The following SWT1 variants were observed in gnomAD, a reference collection of about 807,000 sequenced individuals.
The protein encoded by SWT1 is SWT1 RNA endoribonuclease homolog.
A neutral mutation model predicts 107.3 loss-of-function variants in SWT1; 33 were observed. The observed-to-expected ratio is 0.31, with a 90% CI of 0.23 to 0.41. The LOEUF is 0.41. SWT1 is among the 10% of genes least tolerant of loss of function. SWT1 has a pLI of 1.00. For missense variants in SWT1, 898 were observed against 1,028.9 expected, an observed-to-expected ratio of 0.87 and a Z score of 1.74; for synonymous variants, 345 against 348.3, an observed-to-expected ratio of 0.99 and a Z score of 0.11.
intron 15 of SWT1, 133 bp downstream of exon 15, chr1:185,222,169 T>C (rs2102530232): frequency 3.7e-6 from 2 of 542,834 alleles, no homozygotes; most frequent in Non-Finnish European, 2.9e-6. Flanking sequence ...CAAATCAGGC[T>C]AGTGAGCCTG....
chr1:185,203,678 T>A (rs1658074664), intron 11 of SWT1, among the ~76,000 whole-genome samples: 1 of 151,736 alleles, frequency 6.6e-6, no homozygotes, highest in Non-Finnish European at 1.5e-5. Context: ...TTCACCAGAA[T>A]AATCTGTTCT....
At chr1:185,224,445 G>T (rs1331612825) in intron 15 of SWT1, among the ~76,000 whole-genome samples, 1 of 151,810 alleles carries the variant, frequency 6.6e-6, no homozygotes, top group Non-Finnish European at 1.5e-5. Flanking sequence ...TGTTCTTTTT[G>T]CTCAGGGATT....
intron 18 of SWT1, among the ~76,000 whole-genome samples, chr1:185,287,070 GA>G (rs1248672724): frequency 6.6e-6 from 1 of 152,034 alleles, no homozygotes; most frequent in Non-Finnish European, 1.5e-5. Flanking sequence ...CAGAAAAATA[GA>G]AAAATTCAGA....
chr1:185,257,736 C>CAT (rs1662707032), intron 16 of SWT1, among the ~76,000 whole-genome samples: 2 of 152,254 alleles, frequency 1.3e-5, no homozygotes, highest in Non-Finnish European at 1.5e-5. Flanking sequence ...GAAATCACCG[C>CAT]CTTCTGCGTC....
intron 10 of SWT1, among the ~76,000 whole-genome samples, chr1:185,199,810 GT>G (rs1375376263): frequency 8.5e-5 from 13 of 152,160 alleles, no homozygotes; most frequent in Admixed American, 2.6e-4. Flanking sequence ...GGTTGGGGAA[GT>G]TCTCCTGGAT....
At chr1:185,240,729 G>A (rs919961946) in intron 16 of SWT1, among the ~76,000 whole-genome samples, 5 of 152,010 alleles carry the variant, frequency 3.3e-5, no homozygotes, top group African/African-American at 1.2e-4. Context: ...TCACATTCTT[G>A]TGGCTTTAGT....
chr1:185,201,054 G>T (rs1442202508), intron 10 of SWT1, among the ~76,000 whole-genome samples: 2 of 152,072 alleles, frequency 1.3e-5, no homozygotes, highest in Non-Finnish European at 2.9e-5. Context: ...ACACTGTGAG[G>T]GTAAAACTGC....
chr1:185,275,921 TAAGTAAATTG>T (rs1435818840), intron 17 of SWT1, among the ~76,000 whole-genome samples: 1 of 152,200 alleles, frequency 6.6e-6, no homozygotes, highest in African/African-American at 2.4e-5. Flanking sequence ...AAATGTTTTT[TAAGTAAATTG>T]AATAGAAATT....
intron 18 of SWT1, among the ~76,000 whole-genome samples, chr1:185,283,393 A>G (rs1664757408): frequency 6.6e-6 from 1 of 152,200 alleles, no homozygotes; most frequent in Admixed American, 6.5e-5. Flanking sequence ...CCAGGATGGT[A>G]AATTAAGGAG....
intron 16 of SWT1, among the ~76,000 whole-genome samples, chr1:185,236,804 C>T (rs935740092): frequency 3.3e-5 from 5 of 152,068 alleles, no homozygotes; most frequent in Admixed American, 2.0e-4. Flanking sequence ...AAAATTTTTG[C>T]AATCTATCCA....
At chr1:185,190,342 C>T (rs1275053635) in intron 9 of SWT1, among the ~76,000 whole-genome samples, 4 of 152,122 alleles carry the variant, frequency 2.6e-5, no homozygotes, top group Non-Finnish European at 5.9e-5. Flanking sequence ...ACTCTGAGTA[C>T]ATAGTTTACA....
intron 15 of SWT1, among the ~76,000 whole-genome samples, chr1:185,223,090 G>A (rs1659794886): frequency 2.0e-5 from 3 of 152,224 alleles, no homozygotes; most frequent in Admixed American, 6.5e-5. Context: ...TGGATCATAC[G>A]GTAGTTCGGT....
Position 185,233,372 on chromosome 1 carries a change from A to G in SWT1, c.2441+1664A>G, listed in dbSNP as rs150119846. ...TGAATTTGTTTGCTCTTGCTTCTCT[A>G]CTTCTTTTAATTGTGATGTTAGAGT... is the stretch of plus-strand genomic sequence containing the variant. On this transcript the variant is annotated intron_variant, in intron 16 of 18. Transcript: ENST00000367500. Among the ~76,000 whole-genome samples, 852 of 152,014 alleles carry G rather than the reference A, an allele frequency of 5.6e-3. 34 individuals are homozygous for G. The East Asian group carries it at 0.094, about 17-fold the overall frequency.
At chr1:185,197,158 A>C (rs1558032432) in intron 10 of SWT1, among the ~76,000 whole-genome samples, 1 of 152,108 alleles carries the variant, frequency 6.6e-6, no homozygotes, top group Non-Finnish European at 1.5e-5. Flanking sequence ...GTTTATTGAG[A>C]GTTTTTAGCA....
chr1:185,224,533 T>C, intron 15 of SWT1, among the ~76,000 whole-genome samples: 1 of 152,192 alleles, frequency 6.6e-6, no homozygotes, highest in Non-Finnish European at 1.5e-5. Flanking sequence ...GGAATTTTGG[T>C]AGAGATTGCA....
chr1:185,158,981 G>T (rs1414143298), intron 1 of SWT1, among the ~76,000 whole-genome samples: 1 of 152,108 alleles, frequency 6.6e-6, no homozygotes, highest in Non-Finnish European at 1.5e-5. Flanking sequence ...CACATGCCTG[G>T]CTGTTAGTTG....
chr1:185,195,681 A>C (rs976705212), intron 10 of SWT1, among the ~76,000 whole-genome samples: 3 of 152,122 alleles, frequency 2.0e-5, no homozygotes, highest in Non-Finnish European at 4.4e-5. Context: ...CTTTTTAATG[A>C]TTGCCATTCT....
chr1:185,241,990 T>G (rs1661282208), intron 16 of SWT1, among the ~76,000 whole-genome samples: 1 of 152,122 alleles, frequency 6.6e-6, no homozygotes, highest in African/African-American at 2.4e-5. Context: ...TTGTTATCCT[T>G]GATTACTTTA....
intron 16 of SWT1, chr1:185,258,116 C>T (rs944391828): frequency 6.6e-6 from 1 of 152,104 alleles, no homozygotes; most frequent in African/African-American, 2.4e-5. Flanking sequence ...CTTTTTATCT[C>T]TCTACTAGTT....
Sources: gnomAD v4.1 joint callset for allele counts (sites outside exome capture counted in the v4.1 genomes callset) on GRCh38, gnomAD v4.1.1 for gene constraint, MANE v1.5 for transcripts, NCBI Gene and HGNC (gene_info 2026-07-23, HGNC 2026-07-21) for gene names.